ADH1A: variants seen among roughly 807,000 people sequenced by gnomAD.
ADH1A encodes the protein alcohol dehydrogenase 1A.
ADH1A carries 29 observed loss-of-function variants against 35.2 expected under a neutral mutation model. That is an observed-to-expected ratio of 0.82 (90% CI 0.61 to 1.12). The LOEUF is 1.12. Among genes scored for constraint, ADH1A ranks in the 50% most tolerant of loss-of-function variants. The probability of loss-of-function intolerance (pLI) is 0.00; values close to 1 mark genes in which losing one functional copy is unlikely to be tolerated. For missense variants in ADH1A, 469 were observed against 464.7 expected, an observed-to-expected ratio of 1.01 and a Z score of -0.09; for synonymous variants, 147 against 164.8, an observed-to-expected ratio of 0.89 and a Z score of 0.83.
At chr4:99,278,334 T>C (rs1579487776) in intron 8 of ADH1A, 1 of 152,106 alleles carries the variant, frequency 6.6e-6, no homozygotes, top group African/African-American at 2.4e-5. Context: ...TGTGGTTTAA[T>C]AGAAGTGAGA....
chr4:99,282,309 T>C (rs1239211965), intron 6 of ADH1A, 37 bp downstream of exon 6: 13 of 1,614,174 alleles, frequency 8.1e-6, no homozygotes, highest in Non-Finnish European at 1.0e-5. Context: ...CTCCAAGTTG[T>C]AGAGGCAGAA....
rs141160298 is a variant in ADH1A, at chr4:99,284,368, A to T, written c.567+31T>A. The stretch of plus-strand genomic sequence containing the variant: ...TTTGGGTTCCTGACAGTCTGCGTGT[A>T]ACTGTTTTTATCACCCATTGCCATT... On this transcript the variant is annotated intron_variant, in intron 5 of 8. Transcript: ENST00000209668. 327 of 1,606,940 alleles carry T rather than the reference A, an allele frequency of 2.0e-4. No homozygotes were observed. The African/African-American group carries it at 4.0e-3, about 20-fold the overall frequency.
At chr4:99,284,008 C>T (rs1030839965) in intron 5 of ADH1A, among the ~76,000 whole-genome samples, 2 of 152,148 alleles carry the variant, frequency 1.3e-5, no homozygotes, top group African/African-American at 4.8e-5. Context: ...AGCTGCTCCT[C>T]AAGGGCAAAC....
chr4:99,284,827 T>C, intron 3 of ADH1A, 24 bp from the exon 4 acceptor site: 2 of 1,596,834 alleles, frequency 1.3e-6, no homozygotes, highest in Non-Finnish European at 1.7e-6. Flanking sequence ...AAACAAATTC[T>C]TTTACAATTT....
intron 7 of ADH1A, 61 bp from the exon 8 acceptor site, chr4:99,279,625 A>G: frequency 6.5e-7 from 1 of 1,546,764 alleles, no homozygotes; most frequent in Non-Finnish European, 8.7e-7. Flanking sequence ...ATTGAAGAGA[A>G]GATTTTCCAA....
At chr4:99,286,136 A>G (rs1332044057) in intron 3 of ADH1A, among the ~76,000 whole-genome samples, 1 of 151,890 alleles carries the variant, frequency 6.6e-6, no homozygotes, top group Non-Finnish European at 1.5e-5. Flanking sequence ...ATAACATTTT[A>G]TAGGTAAAAT....
chr4:99,286,931 T>G lies in ADH1A; in HGVS notation c.178A>C (p.Thr60Pro). 1.2e-6 allele frequency: 2 copies of G among 1,614,076 alleles called. No homozygotes were observed. Among genetic ancestry groups the G allele is most frequent in the Middle Eastern group, 1.6e-4 (1 of 6,062 alleles). Residue 60 changes from threonine (T) to proline (P), a missense_variant, in exon 3 of 9, where the codon ACC (threonine) becomes CCC (proline). By Grantham distance (38) the Thr-to-Pro change is conservative (BLOSUM62 -1). Coordinates refer to ENST00000209668, the MANE Select transcript of ADH1A (RefSeq NM_000667.4). Reference sequence around the variant, plus strand: ...TGGCCTAAAATCACAGGAAGTGGGGTCACCATGGTACCACTAACCACGTGG... The same window carrying G: ...TGGCCTAAAATCACAGGAAGTGGGGGCACCATGGTACCACTAACCACGTGG... ...DDHVVSGTMV[T>P]PLPVILGHEA...
At chr4:99,282,106 A>C (rs537345291) in intron 6 of ADH1A, 47 of 676,864 alleles carry the variant, frequency 6.9e-5, no homozygotes, top group Admixed American at 9.1e-5. Context: ...CACTCAGTTA[A>C]GAAAAACAAG....
At chr4:99,277,170 C>T (rs1336522564) in intron 8 of ADH1A, among the ~76,000 whole-genome samples, 1 of 151,842 alleles carries the variant, frequency 6.6e-6, no homozygotes, top group East Asian at 1.9e-4. Context: ...AACTCAAATA[C>T]AAATTTGCAC....
rs2110603351 is a variant in ADH1A at position 99,279,536 on chromosome 4, T to C, written c.993A>G (p.Lys331=). The change falls in exon 8 of 9, where the codon AAA becomes AAG. Residue 331 remains lysine (K), a synonymous_variant. Coordinates refer to ENST00000209668, the MANE Select transcript of ADH1A (RefSeq NM_000667.4). ...GGFKSKECVP[K]LVADFMAKKF... ...TCTTAGCCATAAAATCAGCCACAAGTTTTGGGACACATTCTTTACTTTTAA... is the reference window on the plus strand; with the variant it reads ...TCTTAGCCATAAAATCAGCCACAAGCTTTGGGACACATTCTTTACTTTTAA... The C allele has an allele frequency of 6.2e-7, 1 of 1,611,208 alleles. No individual in the cohort carries two copies. Among genetic ancestry groups the C allele is most frequent in the Non-Finnish European group, 8.5e-7 (1 of 1,178,974 alleles).
Position 99,286,958 on chromosome 4 carries a change from C to T in ADH1A, c.151G>A (p.Asp51Asn). 3 of 1,614,166 alleles carry T rather than the reference C, an allele frequency of 1.9e-6. No homozygotes were observed. The highest frequency in any genetic ancestry group is 2.2e-5 in the East Asian group (1 of 44,890). Reference protein sequence around the residue: ...MVAVGICGTDDHVVSGTMVTP... With the variant: ...MVAVGICGTDNHVVSGTMVTP... ...ACCATGGTACCACTAACCACGTGGT[C>T]ATCTGTGCCACAGATTCCTACAGCC... Residue 51 changes from aspartate to asparagine, a missense_variant, in exon 3 of 9, where the codon GAC becomes AAC. Physicochemically the swap from Asp to Asn is conservative, Grantham distance 23 (BLOSUM62 1). Transcript: ENST00000209668.
At chr4:99,283,486 A>C (rs2110607253) in intron 5 of ADH1A, among the ~76,000 whole-genome samples, 1 of 152,216 alleles carries the variant, frequency 6.6e-6, no homozygotes, top group African/African-American at 2.4e-5. Flanking sequence ...TCATTCATTC[A>C]TTCATTCATT....
chr4:99,285,992 A>T (rs1733142193), intron 3 of ADH1A, among the ~76,000 whole-genome samples: 1 of 135,294 alleles, frequency 7.4e-6, no homozygotes, highest in Non-Finnish European at 1.5e-5. Flanking sequence ...ACTGCACTCC[A>T]GCCTGGGCGA....
chr4:99,283,751 G>T (rs1321290384), intron 5 of ADH1A, among the ~76,000 whole-genome samples: 1 of 152,092 alleles, frequency 6.6e-6, no homozygotes, highest in Non-Finnish European at 1.5e-5. Context: ...AGCCTACTCA[G>T]ATAAGAAGCC....
intron 3 of ADH1A, among the ~76,000 whole-genome samples, chr4:99,285,848 C>T (rs1316964539): frequency 6.6e-6 from 1 of 151,732 alleles, no homozygotes; most frequent in African/African-American, 2.4e-5. Context: ...TGGTGAAACC[C>T]TGTCTCTACT....
In ADH1A at chr4:99,290,935, A is replaced by G. The variant is rs1294396850; in HGVS notation, c.-21T>C. ...CTCATGTTGATTCTGTCTTCTCTGCAGACCAGGAGACTGGTGAGTCCTTGT... is the reference window on the plus strand; with the variant it reads ...CTCATGTTGATTCTGTCTTCTCTGCGGACCAGGAGACTGGTGAGTCCTTGT... On this transcript the variant is annotated 5_prime_UTR_variant, in exon 1 of 9. Coordinates refer to ENST00000209668, the MANE Select transcript of ADH1A (RefSeq NM_000667.4). 1.9e-6 allele frequency: 3 copies of G among 1,613,742 alleles called. No individual in the cohort carries two copies. The highest frequency in any genetic ancestry group is 2.7e-5 in the African/African-American group (2 of 74,928).
Position 99,284,711 on chromosome 4 carries a change from CCTA to C in ADH1A, c.347+2_347+4del, listed in dbSNP as rs1369004873. 1 of 1,614,080 alleles carries C rather than the reference CCTA, an allele frequency of 6.2e-7. No homozygotes were observed. Among genetic ancestry groups the C allele is most frequent in the Non-Finnish European group, 8.5e-7 (1 of 1,179,944 alleles). ...GTCTGCGCAGGGAGAGCATCAGAAA[CCTA>C]CTCGTTTTTCAAGCAGTAGTTGCTC... On this transcript the variant is annotated splice_donor_variant and splice_donor_region_variant and intron_variant, in intron 4 of 8. Coordinates refer to ENST00000209668, the MANE Select transcript of ADH1A (RefSeq NM_000667.4). LOFTEE classifies it high-confidence loss of function.
Position 99,276,610 on chromosome 4 carries a change from A to C in ADH1A, c.*14T>G, listed in dbSNP as rs771992022. On this transcript the variant is annotated 3_prime_UTR_variant, in exon 9 of 9. Transcript: ENST00000209668. ...AGGCTGAAGACTGCCACAAGGGAAA[A>C]CATCTGTATTGTCTCAAAACATCAG... The C allele has an allele frequency of 1.2e-6, 2 of 1,609,850 alleles. No homozygotes were observed. The highest frequency in any genetic ancestry group is 1.7e-6 in the Non-Finnish European group (2 of 1,176,202).
chr4:99,284,541 A>C lies in ADH1A; in HGVS notation c.425T>G (p.Leu142Arg), dbSNP rs1228746737. The change falls in exon 5 of 9, where the codon CTT becomes CGT. Residue 142 changes from leucine to arginine, a missense_variant. Physicochemically the swap from Leu to Arg is moderately radical, Grantham distance 102 (BLOSUM62 -2). Transcript: ENST00000209668. ...GTACTGTGAGAAGGTGCTGATGCCAAGGAAGTGGTGGATGGGCTTCCTCCT... is the reference window on the plus strand; with the variant it reads ...GTACTGTGAGAAGGTGCTGATGCCACGGAAGTGGTGGATGGGCTTCCTCCT... ...TCRRKPIHHFLGISTFSQYTV... is the reference protein window; with the variant it reads ...TCRRKPIHHFRGISTFSQYTV... The C allele has an allele frequency of 6.2e-7, 1 of 1,614,236 alleles. No homozygotes were observed. The highest frequency in any genetic ancestry group is 1.1e-5 in the South Asian group (1 of 91,082).
Sources: allele counts gnomAD v4.1 joint callset (sites outside exome capture counted in the v4.1 genomes callset), GRCh38; gene constraint gnomAD v4.1.1; transcripts MANE v1.5; gene names NCBI Gene and HGNC (gene_info 2026-07-23, HGNC 2026-07-21).